PTPRN2: variants seen among roughly 807,000 people sequenced by gnomAD.
PTPRN2 encodes protein tyrosine phosphatase receptor type N2, also known as receptor-type tyrosine-protein phosphatase N2.
A neutral mutation model predicts 118.8 loss-of-function variants in PTPRN2; 74 were observed. The ratio of observed to expected loss-of-function variants is 0.62; its 90% CI spans 0.52 to 0.76. The LOEUF (loss-of-function observed/expected upper bound fraction) is 0.76. Ranked by LOEUF, PTPRN2 falls within the 30% of genes least tolerant of loss-of-function variation. The pLI, the probability that PTPRN2 is intolerant of heterozygous loss-of-function variation, is 0.00. For synonymous variants in PTPRN2, 641 were observed against 608.0 expected, an observed-to-expected ratio of 1.05 and a Z score of -0.80; for missense variants, 1,481 against 1,394.4, an observed-to-expected ratio of 1.06 and a Z score of -0.99.
chr7:157,898,802 T>G (rs1388989992), intron 11 of PTPRN2, 65 bp from the exon 12 acceptor site: 9 of 1,398,408 alleles, frequency 6.4e-6, no homozygotes, highest in Non-Finnish European at 9.1e-6. Flanking sequence ...CGGGCACCTC[T>G]GAGTATTTTC....
At position 158,280,928 on chromosome 7, in the gene PTPRN2, G is replaced by C. The variant is rs141723304; in HGVS notation, c.277+35891C>G. Among the ~76,000 whole-genome samples, 777 of 152,324 alleles carry C rather than the reference G, an allele frequency of 5.1e-3. 3 individuals are homozygous for C. The highest frequency in any genetic ancestry group is 8.7e-3 in the Non-Finnish European group (591 of 68,028). The stretch of plus-strand genomic sequence containing the variant: ...GCCCTGCGCCGGCCCACGGCTACAC[G>C]GTGCTCTGGAAACATAGGCTAGCGA... On this transcript the variant is annotated intron_variant, in intron 3 of 22. Coordinates refer to ENST00000389418, the MANE Select transcript of PTPRN2 (RefSeq NM_002847.5).
intron 1 of PTPRN2, among the ~76,000 whole-genome samples, chr7:158,513,117 C>A (rs922280790): frequency 6.6e-6 from 1 of 152,124 alleles, no homozygotes; most frequent in Non-Finnish European, 1.5e-5. Context: ...GAAGCCGCAA[C>A]CCTCCCCACC....
chr7:157,662,685 G>C (rs890274419), intron 13 of PTPRN2, among the ~76,000 whole-genome samples: 5 of 152,156 alleles, frequency 3.3e-5, no homozygotes, highest in African/African-American at 9.7e-5. Context: ...GGGCGAGGAA[G>C]GAGGAGGAGG....
intron 13 of PTPRN2, among the ~76,000 whole-genome samples, chr7:157,667,188 T>C (rs964237686): frequency 1.1e-4 from 8 of 72,510 alleles, no homozygotes; most frequent in Non-Finnish European, 2.0e-4. Flanking sequence ...GTGTGTGCAA[T>C]GAGTACACAG....
intron 14 of PTPRN2, among the ~76,000 whole-genome samples, chr7:157,626,921 C>T (rs1358122399): frequency 6.6e-6 from 1 of 152,322 alleles, no homozygotes; most frequent in Non-Finnish European, 1.5e-5. Flanking sequence ...TCTGGGGTTG[C>T]CCAGCAAACA....
At chr7:158,403,522 A>C (rs912171173) in intron 2 of PTPRN2, among the ~76,000 whole-genome samples, 1 of 152,192 alleles carries the variant, frequency 6.6e-6, no homozygotes, top group African/African-American at 2.4e-5. Flanking sequence ...GAGCAAGCAC[A>C]TTTAGGCCCA....
At chr7:157,765,406 G>T (rs573956291) in intron 12 of PTPRN2, among the ~76,000 whole-genome samples, 8 of 132,400 alleles carry the variant, frequency 6.0e-5, no homozygotes, top group Non-Finnish European at 1.6e-5. Context: ...TCCCTCATCC[G>T]TACAACCCAT....
intron 12 of PTPRN2, among the ~76,000 whole-genome samples, chr7:157,860,493 G>A (rs998706431): frequency 2.6e-5 from 4 of 152,248 alleles, no homozygotes; most frequent in African/African-American, 9.6e-5. Flanking sequence ...GGCAGTATTT[G>A]GAGGTAGTAA....
In PTPRN2 at chr7:157,868,569, A is replaced by G. The variant is rs894144861; in HGVS notation, c.1788+30104T>C. ...CTGGTTAAATTTTTTAAAGGGAAGA[A>G]AGTATGACACATGGAGAAAAAGGTG... On this transcript the variant is annotated intron_variant, in intron 12 of 22. Coordinates refer to ENST00000389418, the MANE Select transcript of PTPRN2 (RefSeq NM_002847.5). The surrounding 1 kb of genome is among the most constrained non-coding windows in gnomAD (Gnocchi z 5.2). 2.0e-5 allele frequency: 3 copies of G among 152,196 alleles called. No homozygotes were observed. The highest frequency in any genetic ancestry group is 7.2e-5 in the African/African-American group (3 of 41,448). The allele number at this position is 152,196 out of a possible 1,614,324, so 9.4% of individuals were successfully genotyped here.
intron 15 of PTPRN2, among the ~76,000 whole-genome samples, chr7:157,605,601 A>C (rs1043509526): frequency 6.6e-6 from 1 of 152,224 alleles, no homozygotes; most frequent in African/African-American, 2.4e-5. Flanking sequence ...GATGAGCAAG[A>C]TGAAGAGGGG....
intron 2 of PTPRN2, among the ~76,000 whole-genome samples, chr7:158,333,290 T>C: frequency 7.5e-6 from 1 of 133,750 alleles, no homozygotes; most frequent in Non-Finnish European, 1.6e-5. Context: ...ACTCTCACCA[T>C]AAGAGGTGAC....
chr7:158,326,997 GCA>G (rs1445499309), intron 2 of PTPRN2, among the ~76,000 whole-genome samples: 19 of 143,852 alleles, frequency 1.3e-4, no homozygotes, highest in East Asian at 4.3e-4. Flanking sequence ...ATTCTCAGAT[GCA>G]CACACATGCA....
At chr7:157,734,956 A>T (rs1800215213) in intron 12 of PTPRN2, among the ~76,000 whole-genome samples, 1 of 152,214 alleles carries the variant, frequency 6.6e-6, no homozygotes, top group Non-Finnish European at 1.5e-5. Flanking sequence ...GAGATTATTA[A>T]ATAGCAGCCG....
At chr7:158,364,998 T>C (rs1352550633) in intron 2 of PTPRN2, among the ~76,000 whole-genome samples, 5 of 151,986 alleles carry the variant, frequency 3.3e-5, no homozygotes, top group Non-Finnish European at 7.4e-5. Flanking sequence ...CACACACGCA[T>C]GTGCACACAC....
At chr7:157,612,930 G>A (rs1365667197) in intron 15 of PTPRN2, among the ~76,000 whole-genome samples, 2 of 152,156 alleles carry the variant, frequency 1.3e-5, no homozygotes, top group Non-Finnish European at 2.9e-5. Flanking sequence ...GCAGCCGAAG[G>A]CCCCGCCTCC....
At chr7:157,607,463 C>G (rs1366340416) in intron 15 of PTPRN2, among the ~76,000 whole-genome samples, 1 of 152,242 alleles carries the variant, frequency 6.6e-6, no homozygotes, top group African/African-American at 2.4e-5. Flanking sequence ...ACCGTTCTTA[C>G]GTGTCTGAGA....
At chr7:157,848,678 T>C (rs1366644181) in intron 12 of PTPRN2, among the ~76,000 whole-genome samples, 1 of 152,224 alleles carries the variant, frequency 6.6e-6, no homozygotes. Context: ...AATGACGGCT[T>C]CCGCGGGATC....
chr7:158,031,847 A>G (rs1469455025), intron 11 of PTPRN2, among the ~76,000 whole-genome samples: 1 of 152,254 alleles, frequency 6.6e-6, no homozygotes, highest in Non-Finnish European at 1.5e-5. Context: ...TGTTTACAGC[A>G]GCCTCAGGAA....
chr7:158,344,205 C>T lies in PTPRN2; in HGVS notation c.164-27273G>A, dbSNP rs28372518. Among the ~76,000 whole-genome samples the T allele has an allele frequency of 9.6e-3, 1,462 of 152,260 alleles. 26 individuals carry two copies. Among genetic ancestry groups the T allele is most frequent in the African/African-American group, 0.033 (1,367 of 41,528 alleles). ...CAAGAGATACCCAGGACAGCACAGA[C>T]GGGGGAAGCTCCAGCAACCCCACAC... On this transcript the variant is annotated intron_variant, in intron 2 of 22. Transcript: ENST00000389418.
Sources: allele counts gnomAD v4.1 joint callset (sites outside exome capture counted in the v4.1 genomes callset), GRCh38; gene constraint gnomAD v4.1.1; non-coding constraint Gnocchi (gnomAD v3.1); transcripts MANE v1.5; gene names NCBI Gene and HGNC (gene_info 2026-07-23, HGNC 2026-07-21).